The following NCOA2 variants were observed in gnomAD, a reference collection of about 807,000 sequenced individuals.
NCOA2 encodes nuclear receptor coactivator 2, also known as class E basic helix-loop-helix protein 75.
NCOA2 carries 21 observed loss-of-function variants against 145.1 expected under a neutral mutation model. The ratio of observed to expected loss-of-function variants is 0.14; its 90% CI spans 0.10 to 0.21. The LOEUF is 0.21. Among genes scored for constraint, NCOA2 ranks in the 10% least tolerant of loss-of-function variants. The pLI is 1.00. For synonymous variants in NCOA2, 619 were observed against 637.5 expected (o/e 0.97, Z 0.44); for missense variants, 1,472 against 1,837.6 (o/e 0.80, Z 3.64).
chr8:70,180,218 G>C (rs1815320480), intron 4 of NCOA2, among the ~76,000 whole-genome samples: 1 of 152,238 alleles, frequency 6.6e-6, no homozygotes, highest in Admixed American at 6.5e-5. Context: ...GATCTGATCA[G>C]TAGGAAGTAG....
At chr8:70,188,732 C>G (rs1171034970) in intron 4 of NCOA2, among the ~76,000 whole-genome samples, 1 of 152,070 alleles carries the variant, frequency 6.6e-6, no homozygotes, top group South Asian at 2.1e-4. Context: ...AAGAAATAGA[C>G]AAGTTTCTAC....
chr8:70,174,682 C>A, intron 5 of NCOA2, 74 bp downstream of exon 5: 1 of 1,349,622 alleles, frequency 7.4e-7, no homozygotes, highest in South Asian at 1.2e-5. Context: ...AAATTATATT[C>A]ACCTGAAATT....
the NCOA2 span, among the ~76,000 whole-genome samples, chr8:70,429,630 C>A: frequency 6.6e-6 from 1 of 151,984 alleles, no homozygotes; most frequent in African/African-American, 2.4e-5. Flanking sequence ...CTTATACAGG[C>A]AAAGAATAAG....
the NCOA2 span, among the ~76,000 whole-genome samples, chr8:70,428,186 G>A: frequency 1.3e-5 from 2 of 151,844 alleles, no homozygotes; most frequent in African/African-American, 4.8e-5. Flanking sequence ...AGGCATGGTG[G>A]TTCACACCTA....
rs572148123 is a variant in NCOA2, at chr8:70,294,191, A to G, written c.-20+2553T>C. On this transcript the variant is annotated intron_variant, in intron 2 of 22. Coordinates refer to ENST00000452400, the MANE Select transcript of NCOA2 (RefSeq NM_006540.4). The stretch of plus-strand genomic sequence containing the variant: ...ACTGCAAGGCTATATACTAAACTTC[A>G]TTTCTTCAATAGTTAAAGTATTTTT... Among the ~76,000 whole-genome samples the G allele has an allele frequency of 2.6e-5, 4 of 152,228 alleles. No individual in the cohort carries two copies. In the South Asian group the frequency reaches 6.2e-4, roughly 24 times the overall value.
chr8:70,246,790 CATA>C (rs1397711924), intron 2 of NCOA2, among the ~76,000 whole-genome samples: 1 of 152,074 alleles, frequency 6.6e-6, no homozygotes, highest in Non-Finnish European at 1.5e-5. Context: ...GTAGATACCT[CATA>C]TAAGTGGAAT....
intron 13 of NCOA2, among the ~76,000 whole-genome samples, chr8:70,144,417 T>G (rs528630435): frequency 1.3e-5 from 2 of 152,310 alleles, no homozygotes; most frequent in South Asian, 4.1e-4. Flanking sequence ...GATTAATGGT[T>G]GGAAACCTCA....
At chr8:70,266,514 A>G (rs1824608251) in intron 2 of NCOA2, among the ~76,000 whole-genome samples, 1 of 152,098 alleles carries the variant, frequency 6.6e-6, no homozygotes, top group Admixed American at 6.5e-5. Flanking sequence ...ACTCTATATA[A>G]ATGGCTCCCT....
the NCOA2 span, among the ~76,000 whole-genome samples, chr8:70,444,768 T>C: frequency 0.059 from 9,041 of 152,286 alleles, 388 homozygotes; most frequent in African/African-American, 0.12. Flanking sequence ...AAATATAGAA[T>C]GCAGATCTTT....
At chr8:70,352,825 A>G (rs1457047226) in intron 1 of NCOA2, among the ~76,000 whole-genome samples, 3 of 152,186 alleles carry the variant, frequency 2.0e-5, no homozygotes, top group Non-Finnish European at 4.4e-5. Context: ...ACACTCTCCA[A>G]TTTGCCAAAC....
chr8:70,410,751 G>T, the NCOA2 span, among the ~76,000 whole-genome samples: 1 of 152,340 alleles, frequency 6.6e-6, no homozygotes, highest in African/African-American at 2.4e-5. Context: ...ACTGAAATAT[G>T]CAATAACATG....
At chr8:70,244,859 C>G (rs1400005795) in intron 2 of NCOA2, 2 of 152,080 alleles carry the variant, frequency 1.3e-5, no homozygotes, top group East Asian at 3.9e-4. Context: ...TTGGGTCACA[C>G]TGTATCTATG....
chr8:70,385,045 T>C (rs1450199727), intron 1 of NCOA2, among the ~76,000 whole-genome samples: 1 of 152,178 alleles, frequency 6.6e-6, no homozygotes, highest in Non-Finnish European at 1.5e-5. Flanking sequence ...GCATCACCCA[T>C]TGCATTTCTG....
chr8:70,305,417 A>G (rs1426070384), intron 1 of NCOA2, among the ~76,000 whole-genome samples: 1 of 152,224 alleles, frequency 6.6e-6, no homozygotes, highest in Non-Finnish European at 1.5e-5. Context: ...TAAAGAGAAC[A>G]TTAATTTTTT....
intron 1 of NCOA2, among the ~76,000 whole-genome samples, chr8:70,314,118 T>C (rs1805356390): frequency 7.6e-6 from 1 of 131,354 alleles, no homozygotes. Context: ...AGGCAGAGCT[T>C]GCAGTGAGCC....
chr8:70,255,141 A>G lies in NCOA2; in HGVS notation c.-19-38377T>C, dbSNP rs115487527. Among the ~76,000 whole-genome samples, 1,430 of 152,320 alleles carry G rather than the reference A, an allele frequency of 9.4e-3. 22 individuals are homozygous for G. The highest frequency in any genetic ancestry group is 0.032 in the African/African-American group (1,332 of 41,566). ...GCCAAGTGGCAACAGACACATGACC[A>G]TTCCTTAAGGAAAGAGATCTCTGGT... On this transcript the variant is annotated intron_variant, in intron 2 of 22. Transcript: ENST00000452400.
At chr8:70,391,503 A>C (rs1813205896) in intron 1 of NCOA2, among the ~76,000 whole-genome samples, 1 of 152,206 alleles carries the variant, frequency 6.6e-6, no homozygotes, top group Non-Finnish European at 1.5e-5. Context: ...ACATGCCATG[A>C]AAAGGTCCAA....
chr8:70,157,686 C>T (rs1310221123), intron 10 of NCOA2, among the ~76,000 whole-genome samples: 1 of 152,178 alleles, frequency 6.6e-6, no homozygotes, highest in African/African-American at 2.4e-5. Flanking sequence ...CTGATATTTA[C>T]TACTTGGCTC....
At chr8:70,308,927 C>A (rs1158887481) in intron 1 of NCOA2, among the ~76,000 whole-genome samples, 1 of 152,184 alleles carries the variant, frequency 6.6e-6, no homozygotes, top group Non-Finnish European at 1.5e-5. Context: ...TGTAACCGCC[C>A]TTCCCCTGAA....
Sources: allele counts gnomAD v4.1 joint callset (sites outside exome capture counted in the v4.1 genomes callset), GRCh38; gene constraint gnomAD v4.1.1; transcripts MANE v1.5; gene names NCBI Gene and HGNC (gene_info 2026-07-23, HGNC 2026-07-21).